Variants in UBE3B observed in about 807,000 individuals in gnomAD.
UBE3B encodes ubiquitin-protein ligase E3B.
In UBE3B, 80 loss-of-function variants were observed where a neutral mutation model predicts 132.3. That is an observed-to-expected ratio of 0.60 (90% CI 0.50 to 0.73). UBE3B has a LOEUF of 0.73. Ranked by LOEUF, UBE3B falls within the 30% of genes least tolerant of loss-of-function variation. UBE3B has a pLI of 0.00. For synonymous variants in UBE3B, 487 were observed against 520.4 expected (o/e 0.94, Z 0.87); for missense variants, 1,196 against 1,362.5 (o/e 0.88, Z 1.92).
Position 109,521,826 on chromosome 12 carries a change from A to T in UBE3B, c.2364+275A>T, listed in dbSNP as rs1351665917. Reference sequence around the variant, plus strand: ...AAGCTTTGAGGAGTCACCTGTCCAGAGTTTCGTTGCTAGTTAAGTGGTAGA... The same window carrying T: ...AAGCTTTGAGGAGTCACCTGTCCAGTGTTTCGTTGCTAGTTAAGTGGTAGA... On this transcript the variant is annotated intron_variant, in intron 21 of 27. Coordinates refer to ENST00000342494, the MANE Select transcript of UBE3B (RefSeq NM_130466.4). The surrounding 1 kb of genome is among the most constrained non-coding windows in gnomAD (Gnocchi z 4.2). 6.6e-6 allele frequency among the ~76,000 whole-genome samples: 1 copy of T among 152,070 alleles called. No homozygotes were observed. Among genetic ancestry groups the T allele is most frequent in the Non-Finnish European group, 1.5e-5 (1 of 68,012 alleles).
chr12:109,547,594 C>G, the UBE3B span, among the ~76,000 whole-genome samples: 29 of 152,238 alleles, frequency 1.9e-4, no homozygotes, highest in African/African-American at 7.0e-4. This position sits in a 1 kb window ranked among gnomAD's most constrained non-coding sequence, Gnocchi z 4.1. Flanking sequence ...ATTCATTCCT[C>G]CCTCCTTGTA....
chr12:109,501,719 A>T (rs1381409914), intron 13 of UBE3B, among the ~76,000 whole-genome samples, 185 bp downstream of exon 13: 2 of 152,170 alleles, frequency 1.3e-5, no homozygotes, highest in Non-Finnish European at 2.9e-5. Context: ...TGGCATGATC[A>T]TAGCTTACTA....
chr12:109,478,442 A>G (rs1874719532), intron 1 of UBE3B, among the ~76,000 whole-genome samples: 1 of 151,928 alleles, frequency 6.6e-6, no homozygotes, highest in Non-Finnish European at 1.5e-5. Flanking sequence ...AGCTGTTAAT[A>G]TGAATAGTCT....
rs776589075 is a variant in UBE3B at position 109,516,773 on chromosome 12, A to G, written c.1965A>G (p.Leu655=). Residue 655 remains leucine (L), a synonymous_variant, in exon 19 of 28, where the codon CTA becomes CTG. Transcript: ENST00000342494. Reference sequence around the variant, plus strand: ...GCCTTTGTTCATTTTAGAGAGTTCTACTGTTTCGAACCATGGTTACCAAGG... The same window carrying G: ...GCCTTTGTTCATTTTAGAGAGTTCTGCTGTTTCGAACCATGGTTACCAAGG... ...PHVIPHKNRV[L]LFRTMVTKEK... is the part of the protein sequence containing the mutation. 3 of 1,613,848 alleles carry G rather than the reference A, an allele frequency of 1.9e-6. No homozygotes were observed. Among genetic ancestry groups the G allele is most frequent in the South Asian group, 1.1e-5 (1 of 91,062 alleles).
At chr12:109,524,954 C>G (rs1014624250) in intron 23 of UBE3B, among the ~76,000 whole-genome samples, 1 of 152,014 alleles carries the variant, frequency 6.6e-6, no homozygotes, top group African/African-American at 2.4e-5. Flanking sequence ...TCTCCTCCCA[C>G]GGTTCCTTCT....
intron 5 of UBE3B, 55 bp downstream of exon 5, chr12:109,486,126 GGGCTCTGAAA>G: frequency 6.5e-7 from 1 of 1,531,218 alleles, no homozygotes; most frequent in Non-Finnish European, 8.8e-7. Flanking sequence ...CCAACCTACT[GGGCTCTGAAA>G]GTTCCTGTTG....
intron 15 of UBE3B, among the ~76,000 whole-genome samples, chr12:109,508,140 T>G (rs935033393): frequency 1.3e-5 from 2 of 152,240 alleles, no homozygotes; most frequent in Non-Finnish European, 2.9e-5. Context: ...ATTCAACCTC[T>G]CTGAGACTCA....
chr12:109,531,269 T>C (rs557155971), intron 26 of UBE3B, among the ~76,000 whole-genome samples: 205 of 152,322 alleles, frequency 1.3e-3, no homozygotes, highest in African/African-American at 4.8e-3. Flanking sequence ...GTAAAAGTTG[T>C]AAATGTTCAA....
In UBE3B at chr12:109,522,585, C is replaced by T. The variant is rs2287187; in HGVS notation, c.2364+1034C>T. 0.079 allele frequency among the ~76,000 whole-genome samples: 12,078 copies of T among 152,256 alleles called. 1,078 individuals are homozygous for T. The highest frequency in any genetic ancestry group is 0.22 in the African/African-American group (9,026 of 41,512). ...CGCATACCCCAGGAACCTGGAGAAG[C>T]CAGATGCTTTCCAAACAGAAAGAGC... On this transcript the variant is annotated intron_variant, in intron 21 of 27. Coordinates refer to ENST00000342494, the MANE Select transcript of UBE3B (RefSeq NM_130466.4). This position sits in a 1 kb window ranked among gnomAD's most constrained non-coding sequence, Gnocchi z 4.2.
Position 109,510,568 on chromosome 12 carries a change from C to T in UBE3B, c.1856+110C>T, listed in dbSNP as rs1592934550. Reference sequence around the variant, plus strand: ...CAGAGAGGACTTTTTCCCTCTGCTTCATTTTGTCTGTTCATTTGTGTAAAG... The same window carrying T: ...CAGAGAGGACTTTTTCCCTCTGCTTTATTTTGTCTGTTCATTTGTGTAAAG... On this transcript the variant is annotated intron_variant, in intron 17 of 27. Transcript: ENST00000342494. The T allele has an allele frequency of 3.6e-6, 3 of 834,646 alleles. No homozygotes were observed. The East Asian group carries it at 8.0e-5, about 22-fold the overall frequency. The allele number at this position is 834,646 out of a possible 1,614,324, so 51.7% of individuals were successfully genotyped here. A position where few individuals can be genotyped will look rare whatever the true frequency, so the allele number is the denominator to read the frequency against.
chr12:109,487,423 C>T (rs906076989), intron 6 of UBE3B, among the ~76,000 whole-genome samples: 6 of 152,308 alleles, frequency 3.9e-5, no homozygotes, highest in South Asian at 2.1e-4. Context: ...GTCCCCAGAC[C>T]GCCCCCAACC....
chr12:109,516,900 A>G lies in UBE3B; in HGVS notation c.2076+16A>G. ...GATGCTGGAGGTGAGTGTGAAGCCT[A>G]TGGAATCCTACCACAAGGAAGTGGG... is the stretch of plus-strand genomic sequence containing the variant. On this transcript the variant is annotated intron_variant, in intron 19 of 27. Coordinates refer to ENST00000342494, the MANE Select transcript of UBE3B (RefSeq NM_130466.4). 1 of 1,611,176 alleles carries G rather than the reference A, an allele frequency of 6.2e-7. No individual in the cohort carries two copies. Among genetic ancestry groups the G allele is most frequent in the Non-Finnish European group, 8.5e-7 (1 of 1,178,176 alleles).
intron 23 of UBE3B, among the ~76,000 whole-genome samples, chr12:109,526,079 C>T (rs1036836925): frequency 6.6e-6 from 1 of 152,186 alleles, no homozygotes; most frequent in African/African-American, 2.4e-5. Flanking sequence ...TCCTACTCTA[C>T]TCCGAAATGC....
At position 109,509,407 on chromosome 12, in the gene UBE3B, G is replaced by A. The variant is rs373512561; in HGVS notation, c.1623-189G>A. 1.8e-4 allele frequency: 86 copies of A among 484,068 alleles called. 3 individuals are homozygous for A. The South Asian group carries it at 2.4e-3, about 14-fold the overall frequency. 30.0% of individuals were successfully genotyped at this position (484,068 alleles called of 1,614,324 possible). A position where few individuals can be genotyped will look rare whatever the true frequency, so the allele number is the denominator to read the frequency against. On this transcript the variant is annotated intron_variant, in intron 15 of 27. Transcript: ENST00000342494. Reference sequence around the variant, plus strand: ...TACATGCATTAGGTATTTGTCCTAAGGCTCTCCCTCCCCTTTCCCCCTACC... The same window carrying A: ...TACATGCATTAGGTATTTGTCCTAAAGCTCTCCCTCCCCTTTCCCCCTACC...
chr12:109,495,431 A>G (rs1265151176), intron 9 of UBE3B, among the ~76,000 whole-genome samples: 1 of 152,190 alleles, frequency 6.6e-6, no homozygotes, highest in Non-Finnish European at 1.5e-5. Flanking sequence ...CATTTAAAGC[A>G]TACCATTCCC....
chr12:109,490,351 C>T (rs1877255667), intron 8 of UBE3B: 1 of 1,456,938 alleles, frequency 6.9e-7, no homozygotes, highest in Admixed American at 2.4e-5. Context: ...TGTCCTCAAA[C>T]AGCCCTTTCC....
rs1182294531 is a variant in UBE3B at position 109,497,353 on chromosome 12, A to G, written c.714-465A>G. Among the ~76,000 whole-genome samples the G allele has an allele frequency of 2.6e-5, 4 of 152,094 alleles. No homozygotes were observed. In the East Asian group the frequency reaches 7.7e-4, roughly 29 times the overall value. The stretch of plus-strand genomic sequence containing the variant: ...CTACATGTGTATATATTGTGTATCT[A>G]TAGTGTATATATAGTTTTAAATAAA... On this transcript the variant is annotated intron_variant, in intron 9 of 27. Coordinates refer to ENST00000342494, the MANE Select transcript of UBE3B (RefSeq NM_130466.4).
rs112350807 is a variant in UBE3B, at chr12:109,480,683, A to G, written c.-127-954A>G. The stretch of plus-strand genomic sequence containing the variant: ...AAAAAAAGACTTAGACATTCTCCCT[A>G]TAGTATGTGGCAGAGCTAGGGACTG... On this transcript the variant is annotated intron_variant, in intron 1 of 27. Transcript: ENST00000342494. 3.6e-3 allele frequency among the ~76,000 whole-genome samples: 541 copies of G among 151,610 alleles called. 3 individuals carry two copies. Among genetic ancestry groups the G allele is most frequent in the Non-Finnish European group, 5.1e-3 (349 of 67,914 alleles).
At chr12:109,501,871 C>T (rs1353288825) in intron 13 of UBE3B, among the ~76,000 whole-genome samples, 1 of 151,624 alleles carries the variant, frequency 6.6e-6, no homozygotes, top group Non-Finnish European at 1.5e-5. Context: ...ACCTTATTGC[C>T]CAGGTTTGTT....
Sources: allele counts gnomAD v4.1 joint callset (sites outside exome capture counted in the v4.1 genomes callset), GRCh38; gene constraint gnomAD v4.1.1; non-coding constraint Gnocchi (gnomAD v3.1); transcripts MANE v1.5; gene names NCBI Gene and HGNC (gene_info 2026-07-23, HGNC 2026-07-21).